Variants in TRPV4 observed in about 807,000 individuals in gnomAD.
TRPV4 encodes transient receptor potential cation channel subfamily V member 4.
A neutral mutation model predicts 84.1 loss-of-function variants in TRPV4; 58 were observed. The observed-to-expected ratio is 0.69, with a 90% CI of 0.56 to 0.86. The LOEUF (loss-of-function observed/expected upper bound fraction) is 0.86. Ranked by LOEUF, TRPV4 falls within the 40% of genes least tolerant of loss-of-function variation. TRPV4 has a pLI of 0.00. For missense variants in TRPV4, 879 were observed against 1,181.1 expected (o/e 0.74, Z 3.75); for synonymous variants, 489 against 500.9 (o/e 0.98, Z 0.32).
At chr12:109,827,959 G>C (rs887557645) in intron 1 of TRPV4, among the ~76,000 whole-genome samples, 5 of 152,052 alleles carry the variant, frequency 3.3e-5, no homozygotes, top group African/African-American at 1.2e-4. Context: ...CACACACAGG[G>C]AATGGTCCCA....
At chr12:109,807,101 AC>A (rs1891189049) in intron 3 of TRPV4, among the ~76,000 whole-genome samples, 1 of 151,628 alleles carries the variant, frequency 6.6e-6, no homozygotes, top group Non-Finnish European at 1.5e-5. Context: ...ACATGGAGCG[AC>A]CCCGTCTCTA....
At chr12:109,808,249 C>T in intron 3 of TRPV4, 47 bp downstream of exon 3, 5 of 1,609,258 alleles carry the variant, frequency 3.1e-6, no homozygotes, top group Non-Finnish European at 1.7e-6. Flanking sequence ...CAGGCTTCCC[C>T]CACACCCCTG....
chr12:109,814,227 T>C lies in TRPV4; in HGVS notation c.386+184A>G, dbSNP rs571501350. Among the ~76,000 whole-genome samples the C allele has an allele frequency of 2.2e-4, 34 of 151,844 alleles. No homozygotes were observed. The highest frequency in any genetic ancestry group is 4.1e-4 in the Non-Finnish European group (28 of 67,912). Reference sequence around the variant, plus strand: ...ATAGATGGGTGGTTGGATGGATGGATGGACGGATGATATATGGATAGGGAG... The same window carrying C: ...ATAGATGGGTGGTTGGATGGATGGACGGACGGATGATATATGGATAGGGAG... On this transcript the variant is annotated intron_variant, in intron 2 of 15. Coordinates refer to ENST00000261740, the MANE Select transcript of TRPV4 (RefSeq NM_021625.5). The surrounding 1 kb of genome is among the most constrained non-coding windows in gnomAD (Gnocchi z 5.4).
At position 109,794,419 on chromosome 12, in the gene TRPV4, C is replaced by T; in HGVS notation, c.1401G>A (p.Gly467=). Residue 467 remains glycine (G), a synonymous_variant, in exon 8 of 16, where the codon GGG becomes GGA. Transcript: ENST00000261740. ...CCACGTTGATGTAGAAGGAGACGGC[C>T]CCGAACTTGCGCCACTTGTCCCGCA... ...ELLRDKWRKF[G]AVSFYINVVS... 3 of 1,614,044 alleles carry T rather than the reference C, an allele frequency of 1.9e-6. No homozygotes were observed. The highest frequency in any genetic ancestry group is 1.3e-5 in the African/African-American group (1 of 75,024).
At chr12:109,788,844 A>C in intron 12 of TRPV4, 128 bp from the exon 13 acceptor site, 1 of 1,019,134 alleles carries the variant, frequency 9.8e-7, no homozygotes, top group South Asian at 1.5e-5. Flanking sequence ...CCACACGCTG[A>C]CCCATGTCAC....
intron 2 of TRPV4, among the ~76,000 whole-genome samples, chr12:109,809,086 C>T: frequency 6.7e-6 from 1 of 149,628 alleles, no homozygotes; most frequent in South Asian, 2.2e-4. Flanking sequence ...CCCACTCATC[C>T]ATCCATCCAT....
chr12:109,817,151 A>G (rs776887856), intron 1 of TRPV4, among the ~76,000 whole-genome samples: 1 of 152,062 alleles, frequency 6.6e-6, no homozygotes. Context: ...TGGCTGCCAC[A>G]TGCATTTGGG....
intron 4 of TRPV4, 74 bp downstream of exon 4, chr12:109,802,917 C>G (rs537145590): frequency 3.2e-4 from 486 of 1,537,736 alleles, no homozygotes; most frequent in Non-Finnish European, 4.1e-4. Context: ...GATCAAAAGT[C>G]TCAGGAGTCA....
In TRPV4 at chr12:109,800,615, T is replaced by C. The variant is rs776710024; in HGVS notation, c.853+3A>G. ...TGTCAGCCCCCACCAGGCCCCTCCT[T>C]ACCAAAGTAGAAGTAGCCCCCCTCA... On this transcript the variant is annotated splice_donor_region_variant and intron_variant, in intron 5 of 15. Coordinates refer to ENST00000261740, the MANE Select transcript of TRPV4 (RefSeq NM_021625.5). 1 of 1,614,154 alleles carries C rather than the reference T, an allele frequency of 6.2e-7. No homozygotes were observed. Among genetic ancestry groups the C allele is most frequent in the Admixed American group, 1.7e-5 (1 of 60,020 alleles).
At chr12:109,816,476 T>C (rs971209200) in intron 1 of TRPV4, among the ~76,000 whole-genome samples, 1 of 152,176 alleles carries the variant, frequency 6.6e-6, no homozygotes, top group African/African-American at 2.4e-5. Context: ...GTGCCACTTC[T>C]GGGATTAAAG....
Position 109,793,917 on chromosome 12 carries a change from G to T in TRPV4, c.1584+13C>A, listed in dbSNP as rs199712027. ...GGCAGGCAGGGTGGGGGGCACGGGGGCCAGGCACTTACGTTGGTGAAGAAG... is the reference window on the plus strand; with the variant it reads ...GGCAGGCAGGGTGGGGGGCACGGGGTCCAGGCACTTACGTTGGTGAAGAAG... On this transcript the variant is annotated intron_variant, in intron 9 of 15. Coordinates refer to ENST00000261740, the MANE Select transcript of TRPV4 (RefSeq NM_021625.5). This position sits in a 1 kb window ranked among gnomAD's most constrained non-coding sequence, Gnocchi z 4.0. 7.5e-6 allele frequency: 12 copies of T among 1,590,296 alleles called. No individual in the cohort carries two copies. The highest frequency in any genetic ancestry group is 5.1e-6 in the Non-Finnish European group (6 of 1,165,092).
chr12:109,789,159 G>A (rs1000518437), intron 12 of TRPV4, among the ~76,000 whole-genome samples: 39 of 152,158 alleles, frequency 2.6e-4, no homozygotes, highest in African/African-American at 8.9e-4. Context: ...ATCTAGTCCA[G>A]GGAGGGTCTC....
Position 109,798,965 on chromosome 12 carries a change from C to G in TRPV4, c.854-53G>C, listed in dbSNP as rs539588025. 6.4e-7 allele frequency: 1 copy of G among 1,554,044 alleles called. No individual in the cohort carries two copies. The highest frequency in any genetic ancestry group is 8.7e-7 in the Non-Finnish European group (1 of 1,144,108). On this transcript the variant is annotated intron_variant, in intron 5 of 15. Coordinates refer to ENST00000261740, the MANE Select transcript of TRPV4 (RefSeq NM_021625.5). This position sits in a 1 kb window ranked among gnomAD's most constrained non-coding sequence, Gnocchi z 5.0. ...TCAGCGAAGGGGGCCCAGGGTGGGA[C>G]TCTGCCTGCAGACACTCGGGGGACG... is the stretch of plus-strand genomic sequence containing the variant.
At position 109,800,672 on chromosome 12, in the gene TRPV4, G is replaced by C. The variant is rs1323996959; in HGVS notation, c.799C>G (p.Gln267Glu). 1.2e-6 allele frequency: 2 copies of C among 1,614,088 alleles called. No individual in the cohort carries two copies. The highest frequency in any genetic ancestry group is 2.7e-5 in the African/African-American group (2 of 74,956). ...GGCTGGAAGAAGCGCCCACGGGCCT[G>C]GGCGTGGACATCAGCTCCCTGGGCC... ...LVAQGADVHA[Q>E]ARGRFFQPKD... Residue 267 changes from glutamine to glutamate, a missense_variant, in exon 5 of 16, where the codon CAG becomes GAG. Transcript: ENST00000261740.
At chr12:109,802,823 T>TATCCATGC (rs1263806824) in intron 4 of TRPV4, among the ~76,000 whole-genome samples, 168 bp downstream of exon 4, 1 of 150,174 alleles carries the variant, frequency 6.7e-6, no homozygotes, top group African/African-American at 2.5e-5. Flanking sequence ...TCCATCCATC[T>TATCCATGC]ATCCATGCAT....
chr12:109,791,239 C>T (rs1359081161), intron 12 of TRPV4, among the ~76,000 whole-genome samples: 2 of 152,028 alleles, frequency 1.3e-5, no homozygotes, highest in African/African-American at 4.8e-5. Flanking sequence ...AAAACTTAGC[C>T]ATGCGTGGTG....
chr12:109,797,448 A>C (rs1184216290), intron 6 of TRPV4, among the ~76,000 whole-genome samples: 1 of 150,282 alleles, frequency 6.7e-6, no homozygotes, highest in Non-Finnish European at 1.5e-5. Flanking sequence ...GCCACTGTGC[A>C]CAGCCAGGAT....
chr12:109,802,557 C>T (rs1274184221), intron 4 of TRPV4, among the ~76,000 whole-genome samples: 1 of 152,100 alleles, frequency 6.6e-6, no homozygotes, highest in Non-Finnish European at 1.5e-5. Context: ...CCACCTCAGC[C>T]TCCCAAAGTG....
rs747425312 is a variant in TRPV4 at position 109,803,004 on chromosome 12, G to A, written c.699C>T (p.Asp233=). ...CCGGGGCCCCACCTCGATAGTAGATGTCACGGAAGGGCGAGTTAATGAACT... is the reference window on the plus strand; with the variant it reads ...CCGGGGCCCCACCTCGATAGTAGATATCACGGAAGGGCGAGTTAATGAACT... The part of the protein sequence containing the change: ...MREFINSPFR[D]IYYRGQTALH... Residue 233 remains aspartate (D), a synonymous_variant, in exon 4 of 16, where the codon GAC becomes GAT. Coordinates refer to ENST00000261740, the MANE Select transcript of TRPV4 (RefSeq NM_021625.5). The A allele has an allele frequency of 1.9e-6, 3 of 1,614,050 alleles. No homozygotes were observed. The highest frequency in any genetic ancestry group is 2.5e-6 in the Non-Finnish European group (3 of 1,180,012).
Sources: gnomAD v4.1 joint callset for allele counts (sites outside exome capture counted in the v4.1 genomes callset) on GRCh38, gnomAD v4.1.1 for gene constraint, Gnocchi (gnomAD v3.1) non-coding constraint, MANE v1.5 for transcripts, NCBI Gene and HGNC (gene_info 2026-07-23, HGNC 2026-07-21) for gene names.